SHISA9: variants seen among roughly 807,000 people sequenced by gnomAD.
The protein encoded by SHISA9 is shisa family member 9.
Under a neutral mutation model 38.0 loss-of-function variants are expected in SHISA9, and 13 were observed. The observed-to-expected ratio is 0.34, with a 90% CI of 0.22 to 0.54. The LOEUF (loss-of-function observed/expected upper bound fraction) is 0.54, where lower values mean the gene tolerates loss of function less well. Among genes scored for constraint, SHISA9 ranks in the 20% least tolerant of loss-of-function variants. The pLI, the probability that SHISA9 is intolerant of heterozygous loss-of-function variation, is 0.91. For missense variants in SHISA9, 538 were observed against 575.8 expected (o/e 0.93, Z 0.67); for synonymous variants, 275 against 242.0 (o/e 1.14, Z -1.27).
At chr16:13,367,645 G>A in the SHISA9 span, among the ~76,000 whole-genome samples, 2 of 56,524 alleles carry the variant, frequency 3.5e-5, no homozygotes, top group African/African-American at 1.2e-4. Flanking sequence ...TAAATAGCAA[G>A]TAGGATGCGG....
chr16:12,941,079 C>G (rs1039392398), intron 2 of SHISA9, among the ~76,000 whole-genome samples: 3 of 152,186 alleles, frequency 2.0e-5, no homozygotes, highest in African/African-American at 7.2e-5. Context: ...TGGCCAGGTG[C>G]AATGGCTTAT....
At chr16:12,928,193 A>C (rs1204706035) in intron 2 of SHISA9, among the ~76,000 whole-genome samples, 1 of 151,664 alleles carries the variant, frequency 6.6e-6, no homozygotes, top group Non-Finnish European at 1.5e-5. Context: ...TTTTGCCCCT[A>C]ATCAGTTGGA....
At chr16:12,983,030 C>T (rs576338400) in intron 2 of SHISA9, among the ~76,000 whole-genome samples, 1 of 152,260 alleles carries the variant, frequency 6.6e-6, no homozygotes, top group African/African-American at 2.4e-5. Context: ...GTATTGGGTG[C>T]TATTGAATGT....
At chr16:12,921,394 C>A (rs1248245590) in intron 2 of SHISA9, among the ~76,000 whole-genome samples, 1 of 152,136 alleles carries the variant, frequency 6.6e-6, no homozygotes, top group Non-Finnish European at 1.5e-5. Context: ...ATATCTAGGA[C>A]CATTTATGAG....
chr16:12,952,562 C>T (rs1190170913), intron 2 of SHISA9, among the ~76,000 whole-genome samples: 3 of 152,288 alleles, frequency 2.0e-5, no homozygotes, highest in African/African-American at 4.8e-5. Flanking sequence ...ACTGTAATCC[C>T]CATGTGTCAA....
At chr16:13,394,905 T>A in the SHISA9 span, among the ~76,000 whole-genome samples, 1 of 151,584 alleles carries the variant, frequency 6.6e-6, no homozygotes, top group Non-Finnish European at 1.5e-5. Flanking sequence ...CCACTGTCAT[T>A]TTAAAGCAAA....
chr16:13,041,930 A>C (rs1017754811), intron 2 of SHISA9, among the ~76,000 whole-genome samples: 7 of 152,174 alleles, frequency 4.6e-5, no homozygotes, highest in Non-Finnish European at 1.0e-4. Flanking sequence ...CGAATCATCA[A>C]AGTCTTGGGG....
the SHISA9 span, among the ~76,000 whole-genome samples, chr16:13,499,026 C>T: frequency 0.11 from 17,222 of 152,182 alleles, 1,086 homozygotes; most frequent in African/African-American, 0.17. Flanking sequence ...TGCCCCTGAG[C>T]AGGAGGCCCG....
At chr16:13,262,662 A>AAGGAAGGG in the SHISA9 span, among the ~76,000 whole-genome samples, 1 of 52,410 alleles carries the variant, frequency 1.9e-5, no homozygotes, top group African/African-American at 8.7e-5. Flanking sequence ...GGAAGGAAGG[A>AAGGAAGGG]AGGAAGGAAG....
intron 1 of SHISA9, among the ~76,000 whole-genome samples, chr16:12,914,029 CTTTT>C: frequency 6.8e-6 from 1 of 146,850 alleles, no homozygotes; most frequent in South Asian, 2.2e-4. Context: ...TTATTTATTT[CTTTT>C]TTGTTTGTTT....
intron 2 of SHISA9, among the ~76,000 whole-genome samples, chr16:12,943,230 C>T (rs2071635026): frequency 6.7e-6 from 1 of 149,744 alleles, no homozygotes; most frequent in African/African-American, 2.5e-5. Flanking sequence ...GTCAACTCCA[C>T]CCAAATCTCA....
chr16:13,097,859 G>C (rs916921245), intron 2 of SHISA9, among the ~76,000 whole-genome samples: 1 of 152,172 alleles, frequency 6.6e-6, no homozygotes, highest in African/African-American at 2.4e-5. Context: ...ACTTCACCAG[G>C]TTGTCCTGGC....
At chr16:13,035,670 A>G (rs1470307304) in intron 2 of SHISA9, among the ~76,000 whole-genome samples, 1 of 152,050 alleles carries the variant, frequency 6.6e-6, no homozygotes, top group Non-Finnish European at 1.5e-5. Flanking sequence ...AGCTGGGACT[A>G]TGGGTACGCA....
the SHISA9 span, among the ~76,000 whole-genome samples, chr16:13,294,952 C>G: frequency 6.6e-6 from 1 of 152,154 alleles, no homozygotes; most frequent in Non-Finnish European, 1.5e-5. Context: ...TGAAACTCCA[C>G]TTACATTAAT....
chr16:12,987,479 C>A (rs1424464520), intron 2 of SHISA9, among the ~76,000 whole-genome samples: 1 of 152,142 alleles, frequency 6.6e-6, no homozygotes, highest in Non-Finnish European at 1.5e-5. Flanking sequence ...TCCTCCTCAG[C>A]AAACTAACAC....
chr16:13,484,712 C>A, the SHISA9 span, among the ~76,000 whole-genome samples: 1 of 152,172 alleles, frequency 6.6e-6, no homozygotes, highest in East Asian at 1.9e-4. Context: ...AGAAAACTTA[C>A]AATCATGGTG....
intron 2 of SHISA9, among the ~76,000 whole-genome samples, chr16:13,096,307 C>T (rs541482181): frequency 6.6e-6 from 1 of 152,312 alleles, no homozygotes; most frequent in South Asian, 2.1e-4. Context: ...CCTTAGGTAG[C>T]TCATTTACCC....
chr16:12,915,869 A>G (rs2071246972), intron 1 of SHISA9, among the ~76,000 whole-genome samples: 1 of 152,190 alleles, frequency 6.6e-6, no homozygotes, highest in Non-Finnish European at 1.5e-5. Flanking sequence ...AAGGATATTC[A>G]TATGATCTAA....
chr16:13,317,001 C>T, the SHISA9 span, among the ~76,000 whole-genome samples: 7 of 152,222 alleles, frequency 4.6e-5, no homozygotes, highest in Non-Finnish European at 1.0e-4. Flanking sequence ...TCCCTTTCCT[C>T]AGCTGAACTT....
Sources: allele counts gnomAD v4.1 joint callset (sites outside exome capture counted in the v4.1 genomes callset), GRCh38; gene constraint gnomAD v4.1.1; transcripts MANE v1.5; gene names NCBI Gene and HGNC (gene_info 2026-07-23, HGNC 2026-07-21).